Variants in SERP2 observed in about 807,000 individuals in gnomAD.
SERP2 encodes the protein stress associated endoplasmic reticulum protein family member 2, also known as stress-associated endoplasmic reticulum protein 2.
SERP2 carries 6 observed loss-of-function variants against 9.1 expected under a neutral mutation model. The observed-to-expected ratio is 0.66, with a 90% CI of 0.36 to 1.30. SERP2 has a LOEUF of 1.30. Among genes scored for constraint, SERP2 ranks in the 50% most tolerant of loss-of-function variants. SERP2 has a pLI of 0.03. For missense variants in SERP2, 58 were observed against 81.9 expected (o/e 0.71, Z 1.13); for synonymous variants, 37 against 27.3 (o/e 1.35, Z -1.10).
At chr13:44,393,231 G>A (rs1872887340) in intron 2 of SERP2, among the ~76,000 whole-genome samples, 1 of 152,212 alleles carries the variant, frequency 6.6e-6, no homozygotes, top group Non-Finnish European at 1.5e-5. Context: ...TGCAGAAAGT[G>A]AGCATAGACA....
At chr13:44,386,626 G>A (rs771378370) in intron 2 of SERP2, among the ~76,000 whole-genome samples, 10 of 152,104 alleles carry the variant, frequency 6.6e-5, no homozygotes, top group African/African-American at 9.7e-5. Flanking sequence ...TCAAGTGATC[G>A]GCCCTCCTCA....
At chr13:44,382,278 T>C (rs1872027695) in intron 2 of SERP2, among the ~76,000 whole-genome samples, 2 of 150,526 alleles carry the variant, frequency 1.3e-5, no homozygotes, top group South Asian at 2.1e-4. Flanking sequence ...CTACTAAAAA[T>C]ACAAAAAAAT....
At chr13:44,390,297 C>CCG in intron 2 of SERP2, 1 of 145,444 alleles carries the variant, frequency 6.9e-6, no homozygotes, top group Non-Finnish European at 1.5e-5. Flanking sequence ...CCACCGGTGT[C>CCG]CCCACCCACC....
In SERP2 at chr13:44,373,887, G is replaced by GCGGGGCTCGGGGAGCGGGGTGCC; in HGVS notation, c.-138_-137insGGGGCTCGGGGAGCGGGGTGCCC. On this transcript the variant is annotated 5_prime_UTR_variant, in exon 1 of 3. Transcript: ENST00000379179. This position sits in a 1 kb window ranked among gnomAD's most constrained non-coding sequence, Gnocchi z 4.8. ...AGCCGGGGCTCGGGGAGCGGGGTGC[G>GCGGGGCTCGGGGAGCGGGGTGCC]CAGGGCTCGGGGCCACGCCTTGCCA... is the stretch of plus-strand genomic sequence containing the variant. 2 of 658,902 alleles carry GCGGGGCTCGGGGAGCGGGGTGCC rather than the reference G, an allele frequency of 3.0e-6. No individual in the cohort carries two copies. Among genetic ancestry groups the GCGGGGCTCGGGGAGCGGGGTGCC allele is most frequent in the Non-Finnish European group, 5.0e-6 (2 of 400,764 alleles). 40.8% of individuals were successfully genotyped at this position (658,902 alleles called of 1,614,324 possible).
intron 2 of SERP2, among the ~76,000 whole-genome samples, chr13:44,387,191 C>A (rs150504611): frequency 6.6e-6 from 1 of 152,334 alleles, no homozygotes; most frequent in African/African-American, 2.4e-5. Context: ...AAGGCACTTG[C>A]AGACTTGACA....
rs1178576827 is a variant in SERP2 at position 44,397,237 on chromosome 13, CTG to C, written c.158-34_158-33del. 2.5e-6 allele frequency: 4 copies of C among 1,604,512 alleles called. No homozygotes were observed. In the African/African-American group the frequency reaches 5.4e-5, roughly 21 times the overall value. On this transcript the variant is annotated intron_variant, in intron 2 of 2. Transcript: ENST00000379179. ...GGCTGGGTTTCCAGCTGTGTGCAGT[CTG>C]GTGTCTGAGCTGTGGTGTTTTCCTC...
intron 2 of SERP2, chr13:44,390,631 T>G (rs1030115790): frequency 6.9e-5 from 16 of 231,758 alleles, no homozygotes; most frequent in Non-Finnish European, 1.2e-4. Flanking sequence ...GTGTAGAGGC[T>G]CTCTCTCAGA....
Position 44,397,493 on chromosome 13 carries a change from G to C in SERP2, c.*181G>C. On this transcript the variant is annotated 3_prime_UTR_variant, in exon 3 of 3. Coordinates refer to ENST00000379179, the MANE Select transcript of SERP2 (RefSeq NM_001010897.3). ...AAATTGCCTTCTCACAGGACATCTT[G>C]GTGCATCCGCGTTCTCAAGCGGAAA... The C allele has an allele frequency of 1.6e-6, 1 of 609,900 alleles. No homozygotes were observed. The highest frequency in any genetic ancestry group is 2.0e-5 in the South Asian group (1 of 51,118). The allele number at this position is 609,900 out of a possible 1,614,324, so 37.8% of individuals were successfully genotyped here. A position where few individuals can be genotyped will look rare whatever the true frequency, so the allele number is the denominator to read the frequency against.
intron 2 of SERP2, among the ~76,000 whole-genome samples, chr13:44,392,279 GAA>G: frequency 6.7e-6 from 1 of 148,516 alleles, no homozygotes; most frequent in Non-Finnish European, 1.5e-5. Flanking sequence ...CAAGCAAGGA[GAA>G]GAGTGATACA....
rs373109847 is a variant in SERP2, at chr13:44,383,544, G to GTTTTTTTTT, written c.157+3839_157+3840insTTTTTTTTT. ...TAGCTCCACCTCTCTGGAGGTTTGC[G>GTTTTTTTTT]TTTTTTTTGTTTTTTTTTTTTTGAG... On this transcript the variant is annotated intron_variant, in intron 2 of 2. Coordinates refer to ENST00000379179, the MANE Select transcript of SERP2 (RefSeq NM_001010897.3). Among the ~76,000 whole-genome samples, 15 of 91,830 alleles carry GTTTTTTTTT rather than the reference G, an allele frequency of 1.6e-4. 3 individuals are homozygous for GTTTTTTTTT. The highest frequency in any genetic ancestry group is 1.9e-4 in the Non-Finnish European group (9 of 47,422). 60.2% of individuals were successfully genotyped at this position (91,830 alleles called of 152,430 possible). A position where few individuals can be genotyped will look rare whatever the true frequency, so the allele number is the denominator to read the frequency against.
At chr13:44,387,173 A>G (rs1872364024) in intron 2 of SERP2, among the ~76,000 whole-genome samples, 1 of 152,170 alleles carries the variant, frequency 6.6e-6, no homozygotes, top group Non-Finnish European at 1.5e-5. Flanking sequence ...GTCAACTGCT[A>G]TCTTCTCAAG....
Position 44,397,569 on chromosome 13 carries a change from C to A in SERP2, c.*257C>A. The A allele has an allele frequency of 1.8e-6, 1 of 546,864 alleles. No individual in the cohort carries two copies. The highest frequency in any genetic ancestry group is 3.3e-6 in the Non-Finnish European group (1 of 304,408). 33.9% of individuals were successfully genotyped at this position (546,864 alleles called of 1,614,324 possible). On this transcript the variant is annotated 3_prime_UTR_variant, in exon 3 of 3. Transcript: ENST00000379179. ...GATTAGTAGCCACGCGGGTCGTCCGCAGCAGTGCTGTTTTTTTGGTTTTTC... is the reference window on the plus strand; with the variant it reads ...GATTAGTAGCCACGCGGGTCGTCCGAAGCAGTGCTGTTTTTTTGGTTTTTC...
At chr13:44,381,181 G>A (rs1481809061) in intron 2 of SERP2, among the ~76,000 whole-genome samples, 1 of 148,114 alleles carries the variant, frequency 6.8e-6, no homozygotes, top group African/African-American at 2.5e-5. Context: ...AGGTTGCCAT[G>A]AGCCAGAGAT....
chr13:44,374,289 C>A (rs1871506829), intron 1 of SERP2, among the ~76,000 whole-genome samples, 180 bp downstream of exon 1: 1 of 152,158 alleles, frequency 6.6e-6, no homozygotes, highest in Non-Finnish European at 1.5e-5. Context: ...GCGCGGTCTG[C>A]TTGGCGTCCT....
chr13:44,376,059 C>T (rs551770091), intron 1 of SERP2, among the ~76,000 whole-genome samples: 275 of 152,332 alleles, frequency 1.8e-3, no homozygotes, highest in Non-Finnish European at 2.6e-3. Flanking sequence ...CTCATAGTGC[C>T]TTGCACCTAT....
At chr13:44,389,430 T>G (rs1446717487) in intron 2 of SERP2, among the ~76,000 whole-genome samples, 1 of 152,180 alleles carries the variant, frequency 6.6e-6, no homozygotes, top group African/African-American at 2.4e-5. Flanking sequence ...GCATGTGGAA[T>G]GTTTAGTGGA....
In SERP2 at chr13:44,397,289, C is replaced by T. The variant is rs757044571; in HGVS notation, c.175C>T (p.Gln59Ter). Residue 59 changes from glutamine (Q) to a stop codon, truncating the protein, a stop_gained, in exon 3 of 3, where the codon CAG becomes TAG. Coordinates refer to ENST00000379179, the MANE Select transcript of SERP2 (RefSeq NM_001010897.3). LOFTEE classifies it high-confidence loss of function. ...CTTTTCAGCTATCTTTCAGATCATTCAGAGCATAAGGATGGGCATGTGAGA... is the reference window on the plus strand; with the variant it reads ...CTTTTCAGCTATCTTTCAGATCATTTAGAGCATAAGGATGGGCATGTGAGA... ...VCGSAIFQII[Q>*]SIRMGM The T allele has an allele frequency of 6.2e-7, 1 of 1,613,782 alleles. No homozygotes were observed. Among genetic ancestry groups the T allele is most frequent in the Admixed American group, 1.7e-5 (1 of 60,002 alleles).
chr13:44,375,087 G>T (rs922458579), intron 1 of SERP2, among the ~76,000 whole-genome samples: 1 of 152,128 alleles, frequency 6.6e-6, no homozygotes, highest in Non-Finnish European at 1.5e-5. Flanking sequence ...TGGTCTCCAA[G>T]TATATGAGCA....
chr13:44,378,792 C>A (rs1394566182), intron 1 of SERP2, among the ~76,000 whole-genome samples: 2 of 152,056 alleles, frequency 1.3e-5, no homozygotes, highest in East Asian at 3.9e-4. Context: ...GCACATAGAC[C>A]TGGAGGTGTT....
Sources: allele counts gnomAD v4.1 joint callset (sites outside exome capture counted in the v4.1 genomes callset), GRCh38; gene constraint gnomAD v4.1.1; non-coding constraint Gnocchi (gnomAD v3.1); transcripts MANE v1.5; gene names NCBI Gene and HGNC (gene_info 2026-07-23, HGNC 2026-07-21).